Variants in SULF1 observed in about 807,000 individuals in gnomAD.
SULF1 encodes extracellular sulfatase Sulf-1.
Under a neutral mutation model 110.5 loss-of-function variants are expected in SULF1, and 46 were observed. The ratio of observed to expected loss-of-function variants is 0.42; its 90% CI spans 0.33 to 0.53. The LOEUF (loss-of-function observed/expected upper bound fraction) is 0.53. SULF1 is among the 20% of genes least tolerant of loss of function. SULF1 has a pLI of 0.12. For synonymous variants in SULF1, 371 were observed against 387.1 expected, an observed-to-expected ratio of 0.96 and a Z score of 0.49; for missense variants, 941 against 1,094.2, an observed-to-expected ratio of 0.86 and a Z score of 1.98.
chr8:69,628,465 T>G (rs1376236102), intron 18 of SULF1, among the ~76,000 whole-genome samples: 1 of 152,152 alleles, frequency 6.6e-6, no homozygotes, highest in African/African-American at 2.4e-5. Context: ...AACTCCACTG[T>G]CATTCTGTGG....
Position 69,524,434 on chromosome 8 carries a change from G to A in SULF1, c.-134+22466G>A, listed in dbSNP as rs527381686. ...TGAGAGAGGAAGCAAGAGAGTGAGC[G>A]GTGAGGTGCCGTGCTCTTTTCAATG... On this transcript the variant is annotated intron_variant, in intron 3 of 22. Coordinates refer to ENST00000402687, the MANE Select transcript of SULF1 (RefSeq NM_001128205.2). Among the ~76,000 whole-genome samples, 105 of 152,134 alleles carry A rather than the reference G, an allele frequency of 6.9e-4. 1 individual carries two copies. Among genetic ancestry groups the A allele is most frequent in the African/African-American group, 2.4e-3 (101 of 41,508 alleles).
intron 3 of SULF1, among the ~76,000 whole-genome samples, chr8:69,508,081 G>C (rs1811314106): frequency 6.6e-6 from 1 of 151,662 alleles, no homozygotes; most frequent in Non-Finnish European, 1.5e-5. Flanking sequence ...TAATTCAGCT[G>C]TGGGGTTTTT....
intron 3 of SULF1, among the ~76,000 whole-genome samples, chr8:69,518,846 A>G (rs1301862785): frequency 3.9e-5 from 6 of 152,194 alleles, no homozygotes; most frequent in Non-Finnish European, 5.9e-5. Flanking sequence ...TGTAGCTTAA[A>G]TATTCAGCAA....
intron 5 of SULF1, among the ~76,000 whole-genome samples, chr8:69,566,380 A>G (rs983405812): frequency 2.6e-5 from 4 of 152,294 alleles, no homozygotes; most frequent in Middle Eastern, 3.4e-3. Context: ...GCCTTGTCCT[A>G]TAGTTCATTT....
intron 5 of SULF1, among the ~76,000 whole-genome samples, chr8:69,575,680 T>C (rs1181680403): frequency 6.6e-6 from 1 of 152,222 alleles, no homozygotes; most frequent in East Asian, 1.9e-4. Flanking sequence ...CCTTTGAATC[T>C]GCTCCATATC....
At chr8:69,528,667 A>G (rs1203385724) in intron 3 of SULF1, among the ~76,000 whole-genome samples, 1 of 152,212 alleles carries the variant, frequency 6.6e-6, no homozygotes, top group Non-Finnish European at 1.5e-5. Flanking sequence ...ATAGGGCATC[A>G]TTTAGCTTGG....
At chr8:69,542,213 T>G (rs1813899542) in intron 3 of SULF1, among the ~76,000 whole-genome samples, 1 of 152,208 alleles carries the variant, frequency 6.6e-6, no homozygotes, top group Admixed American at 6.5e-5. Flanking sequence ...TTGAGAGTTC[T>G]GCATATGCTG....
rs1207555395 is a variant in SULF1 at position 69,495,908 on chromosome 8, G to C, written c.-247G>C. On this transcript the variant is annotated 5_prime_UTR_variant, in exon 2 of 23. Transcript: ENST00000402687. ...AATTCTTCCCATACTCTTGAAGAGA[G>C]CATAATTGGAATGGAGAGGTGGGTA... The C allele has an allele frequency of 6.6e-6, 1 of 152,220 alleles. No individual in the cohort carries two copies. The highest frequency in any genetic ancestry group is 1.5e-5 in the Non-Finnish European group (1 of 68,040). The allele number at this position is 152,220 out of a possible 1,614,324, so 9.4% of individuals were successfully genotyped here.
At chr8:69,573,338 C>A in intron 5 of SULF1, among the ~76,000 whole-genome samples, 1 of 152,302 alleles carries the variant, frequency 6.6e-6, no homozygotes, top group Middle Eastern at 3.4e-3. Context: ...GGGGCACTTC[C>A]AGCAGTGATG....
chr8:69,563,962 T>C lies in SULF1; in HGVS notation c.-14T>C, dbSNP rs1471335454. 1.6e-5 allele frequency: 26 copies of C among 1,612,008 alleles called. No individual in the cohort carries two copies. Among genetic ancestry groups the C allele is most frequent in the East Asian group, 6.7e-5 (3 of 44,856 alleles). On this transcript the variant is annotated 5_prime_UTR_variant, in exon 5 of 23. Transcript: ENST00000402687. ...GAGACATTTTGTCAGTTTTGCAACA[T>C]TGGACCAAATACAATGAAGTATTCT...
At chr8:69,491,304 A>G (rs962738997), upstream of SULF1, among the ~76,000 whole-genome samples, 1 of 152,220 alleles carries the variant, frequency 6.6e-6, no homozygotes, top group African/African-American at 2.4e-5. Context: ...AAAACAATTC[A>G]CCAGAGAGCA....
chr8:69,549,704 G>A (rs908238503), intron 3 of SULF1, among the ~76,000 whole-genome samples: 14 of 152,058 alleles, frequency 9.2e-5, no homozygotes, highest in South Asian at 2.1e-4. Context: ...AGTACTACTC[G>A]GAGCCTGAGA....
chr8:69,476,371 T>C (rs116889798), intron 1 of SULF1, among the ~76,000 whole-genome samples: 1 of 152,204 alleles, frequency 6.6e-6, no homozygotes, highest in Admixed American at 6.5e-5. Flanking sequence ...TCTAGTCAAG[T>C]CTTCCTACTA....
intron 3 of SULF1, among the ~76,000 whole-genome samples, chr8:69,550,671 A>T (rs1814641705): frequency 6.6e-6 from 1 of 152,198 alleles, no homozygotes; most frequent in Non-Finnish European, 1.5e-5. Context: ...TGGTGCTGGA[A>T]GTTACTCCCT....
chr8:69,566,947 G>C (rs1815924316), intron 5 of SULF1, among the ~76,000 whole-genome samples: 1 of 152,226 alleles, frequency 6.6e-6, no homozygotes, highest in African/African-American at 2.4e-5. Flanking sequence ...ATGAGGCTCA[G>C]AGAAGTCATG....
At chr8:69,522,146 G>A (rs1186819165) in intron 3 of SULF1, among the ~76,000 whole-genome samples, 1 of 151,970 alleles carries the variant, frequency 6.6e-6, no homozygotes, top group African/African-American at 2.4e-5. Context: ...CACCTCCTGG[G>A]TTCAAACAAT....
intron 3 of SULF1, among the ~76,000 whole-genome samples, chr8:69,534,450 A>G (rs1813302535): frequency 6.6e-6 from 1 of 152,212 alleles, no homozygotes. Context: ...CTTATAGTGC[A>G]TTTGAAGAGG....
In SULF1 at chr8:69,638,515, T is replaced by G. The variant is rs1217742689; in HGVS notation, c.2298T>G (p.Cys766Trp). The part of the protein sequence containing the change: ...TAPFWNLGSF[C>W]ACTSSNNNTY... ...TTTACCCAACAGTGGGATCTTTCTG[T>G]GCTTGCACGAGTTCTAACAATAACA... is the stretch of plus-strand genomic sequence containing the variant. Residue 766 changes from cysteine (C) to tryptophan (W), a missense_variant, in exon 20 of 23, where the codon TGT (cysteine) becomes TGG (tryptophan). Transcript: ENST00000402687. The G allele has an allele frequency of 6.2e-7, 1 of 1,612,318 alleles. No homozygotes were observed. Among genetic ancestry groups the G allele is most frequent in the African/African-American group, 1.3e-5 (1 of 74,908 alleles).
chr8:69,508,305 A>T (rs1160624327), intron 3 of SULF1, among the ~76,000 whole-genome samples: 4 of 152,140 alleles, frequency 2.6e-5, no homozygotes, highest in African/African-American at 9.7e-5. Flanking sequence ...GGGTTTCTCC[A>T]TGTTTATCAA....
Sources: gnomAD v4.1 joint callset for allele counts (sites outside exome capture counted in the v4.1 genomes callset) on GRCh38, gnomAD v4.1.1 for gene constraint, MANE v1.5 for transcripts, NCBI Gene and HGNC (gene_info 2026-07-23, HGNC 2026-07-21) for gene names.